The following WIPF3 variants were observed in gnomAD, a reference collection of about 807,000 sequenced individuals.
The protein encoded by WIPF3 is WAS/WASL-interacting protein family member 3.
Under a neutral mutation model 38.9 loss-of-function variants are expected in WIPF3, and 33 were observed. That is an observed-to-expected ratio of 0.85 (90% CI 0.64 to 1.14). The LOEUF is 1.14. Ranked by LOEUF, WIPF3 falls within the 50% of genes most tolerant of loss-of-function variation. WIPF3 has a pLI of 0.00. For synonymous variants in WIPF3, 324 were observed against 269.3 expected, an observed-to-expected ratio of 1.20 and a Z score of -1.99; for missense variants, 711 against 652.5, an observed-to-expected ratio of 1.09 and a Z score of -0.98.
intron 1 of WIPF3, among the ~76,000 whole-genome samples, chr7:29,808,733 A>G (rs959000347): frequency 3.3e-5 from 5 of 152,162 alleles, no homozygotes; most frequent in South Asian, 2.1e-4. Flanking sequence ...GTCTAAGAAC[A>G]TACAGTTATA....
At chr7:29,849,873 A>G (rs1785065048) in intron 2 of WIPF3, among the ~76,000 whole-genome samples, 1 of 152,222 alleles carries the variant, frequency 6.6e-6, no homozygotes, top group Non-Finnish European at 1.5e-5. Context: ...ATGTCAGATG[A>G]TGGAGTTTTC....
intron 2 of WIPF3, among the ~76,000 whole-genome samples, chr7:29,859,918 G>A (rs1242033619): frequency 6.6e-6 from 1 of 152,158 alleles, no homozygotes; most frequent in Non-Finnish European, 1.5e-5. Flanking sequence ...AACAGAATTG[G>A]AGAAGGCTGT....
intron 2 of WIPF3, among the ~76,000 whole-genome samples, chr7:29,846,871 C>A (rs1169886820): frequency 6.6e-6 from 1 of 152,200 alleles, no homozygotes; most frequent in East Asian, 1.9e-4. Flanking sequence ...TAGAGTCATA[C>A]ACCTTGGAAG....
Position 29,884,307 on chromosome 7 carries a change from GT to G in WIPF3, c.814del (p.Tyr272IlefsTer102). ...PPLPLLPPCG[Y>X]PGLKAEPASP... ...CGCTCCCTCTGCTCCCACCTTGTGGGTATCCGGGGCTCAAAGCGGAGCCCGC... is the reference window on the plus strand; with the variant it reads ...CGCTCCCTCTGCTCCCACCTTGTGGGATCCGGGGCTCAAAGCGGAGCCCGC... On this transcript the variant is annotated frameshift_variant, in exon 5 of 9. Transcript: ENST00000242140. LOFTEE classifies it high-confidence loss of function. 6.5e-7 allele frequency: 1 copy of G among 1,527,084 alleles called. No individual in the cohort carries two copies. The allele number at this position is 1,527,084 out of a possible 1,614,324, so 94.6% of individuals were successfully genotyped here. A position where few individuals can be genotyped will look rare whatever the true frequency, so the allele number is the denominator to read the frequency against.
Position 29,914,578 on chromosome 7 carries a change from C to A in WIPF3, c.*62C>A. 2 of 1,269,870 alleles carry A rather than the reference C, an allele frequency of 1.6e-6. No individual in the cohort carries two copies. The highest frequency in any genetic ancestry group is 2.1e-6 in the Non-Finnish European group (2 of 947,788). 78.7% of individuals were successfully genotyped at this position (1,269,870 alleles called of 1,614,324 possible). A position where few individuals can be genotyped will look rare whatever the true frequency, so the allele number is the denominator to read the frequency against. On this transcript the variant is annotated 3_prime_UTR_variant, in exon 9 of 9. Coordinates refer to ENST00000242140, the MANE Select transcript of WIPF3 (RefSeq NM_001080529.3). ...TGCAGAACAACATGTCAGACCCCAC[C>A]CACCCCATGCTCAAGCTGTAATTCA...
intron 2 of WIPF3, among the ~76,000 whole-genome samples, chr7:29,869,139 C>T (rs1189310156): frequency 6.6e-6 from 1 of 151,758 alleles, no homozygotes; most frequent in Admixed American, 6.6e-5. Context: ...AAGAGATTCT[C>T]CTGCCTCAGC....
chr7:29,836,859 A>T (rs1262763427), intron 2 of WIPF3, among the ~76,000 whole-genome samples: 4 of 151,970 alleles, frequency 2.6e-5, no homozygotes, highest in Admixed American at 6.6e-5. Flanking sequence ...GCATGGTGGC[A>T]GGTGCCTGTA....
chr7:29,897,105 G>T (rs1786160647), intron 7 of WIPF3, among the ~76,000 whole-genome samples: 1 of 152,034 alleles, frequency 6.6e-6, no homozygotes, highest in Non-Finnish European at 1.5e-5. Context: ...TTTAAGCCTG[G>T]TTTATTTTAC....
At chr7:29,859,711 T>C (rs1735952112) in intron 2 of WIPF3, among the ~76,000 whole-genome samples, 1 of 152,164 alleles carries the variant, frequency 6.6e-6, no homozygotes, top group Non-Finnish European at 1.5e-5. Flanking sequence ...CAGTTTCCTC[T>C]CGATCTCAAG....
chr7:29,848,354 T>G (rs1398096922), intron 2 of WIPF3, among the ~76,000 whole-genome samples: 1 of 152,216 alleles, frequency 6.6e-6, no homozygotes, highest in Non-Finnish European at 1.5e-5. Flanking sequence ...CACAAGCAGC[T>G]TCACCAGTAG....
chr7:29,880,587 G>A (rs1308140793), intron 4 of WIPF3, among the ~76,000 whole-genome samples: 1 of 152,180 alleles, frequency 6.6e-6, no homozygotes, highest in African/African-American at 2.4e-5. Flanking sequence ...CTTCATAGAA[G>A]ATGGGAGAAA....
At chr7:29,909,944 T>C (rs1219602573) in intron 8 of WIPF3, among the ~76,000 whole-genome samples, 1 of 151,236 alleles carries the variant, frequency 6.6e-6, no homozygotes, top group Non-Finnish European at 1.5e-5. Context: ...GGTTACAAAC[T>C]AGCGGGGGAG....
intron 2 of WIPF3, among the ~76,000 whole-genome samples, chr7:29,851,868 G>C (rs1420971412): frequency 6.6e-6 from 1 of 152,216 alleles, no homozygotes; most frequent in Non-Finnish European, 1.5e-5. Flanking sequence ...GGAGAGGTTT[G>C]AGCGTGCTAT....
chr7:29,825,105 G>A (rs867711946), intron 1 of WIPF3, among the ~76,000 whole-genome samples: 1 of 152,094 alleles, frequency 6.6e-6, no homozygotes, highest in Non-Finnish European at 1.5e-5. Flanking sequence ...AACACCATTC[G>A]TATAAAATCT....
intron 4 of WIPF3, among the ~76,000 whole-genome samples, chr7:29,881,569 A>T (rs1785717146): frequency 6.6e-6 from 1 of 152,134 alleles, no homozygotes; most frequent in Non-Finnish European, 1.5e-5. Flanking sequence ...ATGAATATAA[A>T]TATTTTTTTA....
chr7:29,831,098 C>A (rs1377308784), intron 1 of WIPF3, among the ~76,000 whole-genome samples: 3 of 152,118 alleles, frequency 2.0e-5, no homozygotes, highest in Admixed American at 6.6e-5. Context: ...AACAAGTGCT[C>A]CTCTCTCAGT....
intron 7 of WIPF3, among the ~76,000 whole-genome samples, chr7:29,895,721 G>A (rs978173288): frequency 6.6e-6 from 1 of 152,112 alleles, no homozygotes; most frequent in South Asian, 2.1e-4. Flanking sequence ...GTCACGTGAC[G>A]GAGCGGAGCA....
At chr7:29,904,594 G>T in intron 8 of WIPF3, 1 of 465,768 alleles carries the variant, frequency 2.1e-6, no homozygotes, top group East Asian at 3.7e-5. Context: ...ACATATAGAA[G>T]CAAGTTTAGC....
rs1022951712 is a variant in WIPF3, at chr7:29,914,616, G to A, written c.*100G>A. On this transcript the variant is annotated 3_prime_UTR_variant, in exon 9 of 9. Coordinates refer to ENST00000242140, the MANE Select transcript of WIPF3 (RefSeq NM_001080529.3). ...AAGCTGTAATTCAGTTGGCATACAG[G>A]CTTGGAATTGAGAATTTATTTATTG... The A allele has an allele frequency of 4.0e-5, 31 of 782,714 alleles. No individual in the cohort carries two copies. The highest frequency in any genetic ancestry group is 3.7e-6 in the Non-Finnish European group (2 of 544,628). 48.5% of individuals were successfully genotyped at this position (782,714 alleles called of 1,614,324 possible).
Sources: allele counts gnomAD v4.1 joint callset (sites outside exome capture counted in the v4.1 genomes callset), GRCh38; gene constraint gnomAD v4.1.1; transcripts MANE v1.5; gene names NCBI Gene and HGNC (gene_info 2026-07-23, HGNC 2026-07-21).